Variants in DNAH5 observed in about 807,000 individuals in gnomAD.
DNAH5 encodes axonemal beta dynein heavy chain 5.
DNAH5 carries 372 observed loss-of-function variants against 518.2 expected under a neutral mutation model. The ratio of observed to expected loss-of-function variants is 0.72; its 90% CI spans 0.66 to 0.78. The LOEUF (loss-of-function observed/expected upper bound fraction) is 0.78, where lower values mean the gene tolerates loss of function less well. Ranked by LOEUF, DNAH5 falls within the 30% of genes least tolerant of loss-of-function variation. The pLI is 0.00. For synonymous variants in DNAH5, 2,039 were observed against 2,025.9 expected, an observed-to-expected ratio of 1.01 and a Z score of -0.17; for missense variants, 5,523 against 5,687.0, an observed-to-expected ratio of 0.97 and a Z score of 0.93.
chr5:13,804,902 T>TTAA (rs1484623749), intron 47 of DNAH5, among the ~76,000 whole-genome samples: 1 of 152,252 alleles, frequency 6.6e-6, no homozygotes, highest in Non-Finnish European at 1.5e-5. Flanking sequence ...ATATTTCATG[T>TTAA]TAAAGAGACA....
chr5:13,891,005 T>C lies in DNAH5; in HGVS notation c.2548A>G (p.Thr850Ala). The change falls in exon 17 of 79, where the codon ACC becomes GCC. Residue 850 changes from threonine to alanine, a missense_variant. Around this residue, in one of 3 missense-constraint regions of DNAH5, gnomAD observed 5,121 missense variants for 5,223.3 expected, o/e 0.98. Coordinates refer to ENST00000265104, the MANE Select transcript of DNAH5 (RefSeq NM_001369.3). ...LCQLPQEEPL[T>A]CEEFLQMTKD... ...GTCATTTGGAGAAACTCTTCACAGG[T>C]TAGTGGCTCCTCCTGGGGAAGCTGA... 6.2e-7 allele frequency: 1 copy of C among 1,614,114 alleles called. No individual in the cohort carries two copies. The highest frequency in any genetic ancestry group is 8.5e-7 in the Non-Finnish European group (1 of 1,179,988).
At chr5:13,712,561 C>T (rs895905067) in intron 75 of DNAH5, among the ~76,000 whole-genome samples, 5 of 152,138 alleles carry the variant, frequency 3.3e-5, no homozygotes, top group Non-Finnish European at 7.4e-5. Context: ...AAAATCTTCA[C>T]AATCTATACA....
intron 38 of DNAH5, among the ~76,000 whole-genome samples, chr5:13,829,104 T>C (rs1435640037): frequency 6.6e-6 from 1 of 152,128 alleles, no homozygotes; most frequent in Non-Finnish European, 1.5e-5. Context: ...GGCTGCAACA[T>C]ATAAACAAGA....
At chr5:13,940,599 C>A (rs770724118) in intron 1 of DNAH5, among the ~76,000 whole-genome samples, 6 of 152,058 alleles carry the variant, frequency 3.9e-5, no homozygotes, top group Non-Finnish European at 7.4e-5. Flanking sequence ...TGGTCAGGTG[C>A]GGGGCCCAGG....
chr5:14,006,849 AG>A (rs1389892541), intron 1 of DNAH5, among the ~76,000 whole-genome samples: 2 of 152,162 alleles, frequency 1.3e-5, no homozygotes, highest in Non-Finnish European at 2.9e-5. Flanking sequence ...ATGATCACCC[AG>A]GCCCTATCTG....
At chr5:13,778,370 T>G (rs1360307067) in intron 53 of DNAH5, among the ~76,000 whole-genome samples, 1 of 145,646 alleles carries the variant, frequency 6.9e-6, no homozygotes, top group Non-Finnish European at 1.5e-5. Context: ...ATCCGAGAGA[T>G]CAGAAAACAA....
chr5:13,808,889 G>A (rs1414104404), intron 46 of DNAH5, among the ~76,000 whole-genome samples, 155 bp downstream of exon 46: 3 of 152,050 alleles, frequency 2.0e-5, no homozygotes, highest in Admixed American at 1.3e-4. Context: ...GAACCCGGGA[G>A]GTGGAGCCTG....
chr5:14,011,423 AG>A (rs1785111393), intron 1 of DNAH5, among the ~76,000 whole-genome samples: 1 of 152,150 alleles, frequency 6.6e-6, no homozygotes, highest in Admixed American at 6.5e-5. Flanking sequence ...CTACCCCCTG[AG>A]GAAAAAAACG....
rs758303032 is a variant in DNAH5, at chr5:13,770,975, C to A, written c.9379G>T (p.Glu3127Ter). Residue 3127 changes from glutamate (E) to a stop codon, truncating the protein, a stop_gained, in exon 56 of 79, where the codon GAA becomes TAA. Transcript: ENST00000265104. LOFTEE classifies it high-confidence loss of function. ...ATATCATAGGAAGTGAGGAAGTGTT[C>A]AGACACTAGAGAGAATAAAGATGAC... ...WPKDALVAVS[E>*]HFLTSYDIDC... is the part of the protein sequence containing the mutation. 5.0e-6 allele frequency: 8 copies of A among 1,609,198 alleles called. No individual in the cohort carries two copies. The highest frequency in any genetic ancestry group is 6.8e-6 in the Non-Finnish European group (8 of 1,175,674).
intron 7 of DNAH5, among the ~76,000 whole-genome samples, chr5:13,918,755 A>C (rs1453916869): frequency 6.6e-6 from 1 of 152,220 alleles, no homozygotes; most frequent in Non-Finnish European, 1.5e-5. Flanking sequence ...GGCGTGAGCC[A>C]CCACGCCTGG....
In DNAH5 at chr5:13,869,483, G is replaced by A. The variant is rs557153560; in HGVS notation, c.3834+1284C>T. 2.6e-5 allele frequency among the ~76,000 whole-genome samples: 4 copies of A among 151,998 alleles called. No homozygotes were observed. The South Asian group carries it at 8.3e-4, about 32-fold the overall frequency. ...CTTTTCCTTAACGTCTCCACTCTTG[G>A]GTCTTTGTCAACAATCACAAGTGGC... On this transcript the variant is annotated intron_variant, in intron 24 of 78. Transcript: ENST00000265104.
intron 41 of DNAH5, among the ~76,000 whole-genome samples, chr5:13,819,047 T>C (rs1184159583): frequency 6.6e-6 from 1 of 152,258 alleles, no homozygotes; most frequent in African/African-American, 2.4e-5. Flanking sequence ...ATAATTTAGA[T>C]ATACCATACA....
At chr5:13,990,411 G>C (rs959150764) in intron 1 of DNAH5, among the ~76,000 whole-genome samples, 1 of 152,026 alleles carries the variant, frequency 6.6e-6, no homozygotes, top group African/African-American at 2.4e-5. Context: ...AAATTAGCTG[G>C]GCGTGGTGGC....
chr5:13,827,580 G>A lies in DNAH5; in HGVS notation c.6444+1930C>T, dbSNP rs1271136958. ...AGGGGACTTGCCTTGTCTCAGATGA[G>A]ACTTTGGACTTAGACTTTTGAGTTA... On this transcript the variant is annotated intron_variant, in intron 38 of 78. Transcript: ENST00000265104. Among the ~76,000 whole-genome samples the A allele has an allele frequency of 2.9e-5, 4 of 138,132 alleles. No homozygotes were observed. The East Asian group carries it at 9.1e-4, about 32-fold the overall frequency. 90.6% of individuals were successfully genotyped at this position (138,132 alleles called of 152,430 possible). A position where few individuals can be genotyped will look rare whatever the true frequency, so the allele number is the denominator to read the frequency against.
chr5:13,985,319 C>G (rs1048393649), intron 1 of DNAH5, among the ~76,000 whole-genome samples: 1 of 151,156 alleles, frequency 6.6e-6, no homozygotes, highest in Non-Finnish European at 1.5e-5. Context: ...AGGAGATATA[C>G]CTAATGTAAA....
chr5:14,009,154 A>G (rs1277478447), intron 1 of DNAH5, among the ~76,000 whole-genome samples: 1 of 152,260 alleles, frequency 6.6e-6, no homozygotes, highest in Non-Finnish European at 1.5e-5. Flanking sequence ...AAGAAAGGCC[A>G]TAAGAAGCAA....
At chr5:13,851,449 A>T (rs1766820717) in intron 30 of DNAH5, among the ~76,000 whole-genome samples, 1 of 152,094 alleles carries the variant, frequency 6.6e-6, no homozygotes, top group South Asian at 2.1e-4. Context: ...CTGGGACTAC[A>T]GGCATGTGCC....
chr5:13,918,402 A>G (rs1034471743), intron 7 of DNAH5, among the ~76,000 whole-genome samples: 1 of 152,198 alleles, frequency 6.6e-6, no homozygotes, highest in Non-Finnish European at 1.5e-5. Flanking sequence ...CCAGAGTCAG[A>G]GGCACCCAGC....
Position 13,727,645 on chromosome 5 carries a change from AT to A in DNAH5, c.11894del (p.Asn3965MetfsTer66). ...CAAACCAAATTTTCCACATTTTCTC[AT>A]TTCTCGATATCTGAAAATACCATGG... The part of the protein sequence containing the change: ...FSDVLDQISR[N>X]EKMWKIWFDK... On this transcript the variant is annotated frameshift_variant, in exon 70 of 79. Transcript: ENST00000265104. LOFTEE classifies it high-confidence loss of function. 1 of 1,613,674 alleles carries A rather than the reference AT, an allele frequency of 6.2e-7. No individual in the cohort carries two copies. The highest frequency in any genetic ancestry group is 8.5e-7 in the Non-Finnish European group (1 of 1,179,694).
Sources: gnomAD v4.1 joint callset for allele counts (sites outside exome capture counted in the v4.1 genomes callset) on GRCh38, gnomAD v4.1.1 for gene constraint, gnomAD v4.1.1 regional missense constraint, MANE v1.5 for transcripts, NCBI Gene and HGNC (gene_info 2026-07-23, HGNC 2026-07-21) for gene names.